VPS13B: variants seen among roughly 807,000 people sequenced by gnomAD.
VPS13B encodes intermembrane lipid transfer protein VPS13B.
In VPS13B, 285 loss-of-function variants were observed where a neutral mutation model predicts 426.4. The ratio of observed to expected loss-of-function variants is 0.67; its 90% CI spans 0.61 to 0.74. The LOEUF (loss-of-function observed/expected upper bound fraction) is 0.74, where lower values mean the gene tolerates loss of function less well. Ranked by LOEUF, VPS13B falls within the 30% of genes least tolerant of loss-of-function variation. VPS13B has a pLI of 0.00. For missense variants in VPS13B, 4,537 were observed against 4,782.6 expected, an observed-to-expected ratio of 0.95 and a Z score of 1.51; for synonymous variants, 1,676 against 1,676.4, an observed-to-expected ratio of 1.00 and a Z score of 0.01.
At chr8:99,535,468 A>C (rs1349681076) in intron 30 of VPS13B, among the ~76,000 whole-genome samples, 1 of 152,188 alleles carries the variant, frequency 6.6e-6, no homozygotes, top group Non-Finnish European at 1.5e-5. Context: ...TTCCTTGCTC[A>C]TCATTTCTAA....
chr8:99,869,054 G>A (rs920256840), intron 59 of VPS13B, among the ~76,000 whole-genome samples: 7 of 152,232 alleles, frequency 4.6e-5, no homozygotes, highest in South Asian at 4.1e-4. Context: ...CCGTGCAGCC[G>A]CATGCACACA....
intron 35 of VPS13B, among the ~76,000 whole-genome samples, chr8:99,666,425 C>A (rs1830489545): frequency 6.6e-6 from 1 of 152,124 alleles, no homozygotes; most frequent in African/African-American, 2.4e-5. Flanking sequence ...TACTGGCAAA[C>A]CGAATCCAGC....
intron 19 of VPS13B, among the ~76,000 whole-genome samples, chr8:99,333,417 A>T (rs569138942): frequency 6.6e-6 from 1 of 151,974 alleles, no homozygotes; most frequent in East Asian, 1.9e-4. Flanking sequence ...TTCCTTAATG[A>T]TAACATCTTA....
intron 23 of VPS13B, among the ~76,000 whole-genome samples, chr8:99,455,858 A>G (rs1454276735): frequency 1.3e-5 from 2 of 152,166 alleles, no homozygotes; most frequent in South Asian, 2.1e-4. Flanking sequence ...CATTTTATCA[A>G]TTCACCAGTT....
chr8:99,206,674 T>A (rs1173147415), intron 17 of VPS13B, among the ~76,000 whole-genome samples: 6 of 152,310 alleles, frequency 3.9e-5, no homozygotes, highest in African/African-American at 1.4e-4. Flanking sequence ...CATTTAAACA[T>A]CTGGTCTAAA....
intron 19 of VPS13B, among the ~76,000 whole-genome samples, chr8:99,351,794 TATG>T (rs1811910116): frequency 1.3e-5 from 2 of 152,214 alleles, no homozygotes; most frequent in East Asian, 1.9e-4. Context: ...AAAGCTGACA[TATG>T]ATAGTTGTTC....
At chr8:99,236,298 GGAGTGCA>G (rs1378726765) in intron 17 of VPS13B, among the ~76,000 whole-genome samples, 5 of 151,814 alleles carry the variant, frequency 3.3e-5, no homozygotes, top group African/African-American at 1.2e-4. Context: ...TGCCCGGGCT[GGAGTGCA>G]GTGGCGTGAT....
intron 15 of VPS13B, among the ~76,000 whole-genome samples, chr8:99,165,163 C>T (rs879517335): frequency 3.0e-4 from 45 of 152,050 alleles, no homozygotes; most frequent in Non-Finnish European, 1.2e-4. Context: ...TATATTATGT[C>T]ACATACTATC....
intron 35 of VPS13B, among the ~76,000 whole-genome samples, chr8:99,674,498 A>G (rs1016076849): frequency 6.6e-6 from 1 of 151,994 alleles, no homozygotes; most frequent in African/African-American, 2.4e-5. Context: ...TGTAAGCAGC[A>G]TATAGTTGGG....
At chr8:99,764,176 G>A (rs1290482750) in intron 39 of VPS13B, among the ~76,000 whole-genome samples, 1 of 151,994 alleles carries the variant, frequency 6.6e-6, no homozygotes, top group South Asian at 2.1e-4. Flanking sequence ...ATATAAATAA[G>A]TAATTACAAA....
Position 99,062,017 on chromosome 8 carries a change from G to T in VPS13B, c.291+23451G>T, listed in dbSNP as rs1426895213. Among the ~76,000 whole-genome samples the T allele has an allele frequency of 1.3e-5, 2 of 152,298 alleles. 1 individual carries two copies. Among genetic ancestry groups the T allele is most frequent in the Non-Finnish European group, 2.9e-5 (2 of 68,020 alleles). On this transcript the variant is annotated intron_variant, in intron 3 of 61. Transcript: ENST00000357162. The stretch of plus-strand genomic sequence containing the variant: ...GTGCCTATGATGTTTCACCTTAGTT[G>T]TTAAATACTTCCTTAAGTCGAAGCT...
At chr8:99,670,029 T>C (rs1305654342) in intron 35 of VPS13B, among the ~76,000 whole-genome samples, 1 of 152,078 alleles carries the variant, frequency 6.6e-6, no homozygotes, top group African/African-American at 2.4e-5. Flanking sequence ...TCAAATAGGT[T>C]TGTTTATATG....
At chr8:99,315,680 A>G (rs900715866) in intron 19 of VPS13B, among the ~76,000 whole-genome samples, 4 of 149,948 alleles carry the variant, frequency 2.7e-5, no homozygotes, top group African/African-American at 9.9e-5. Context: ...TCTGTTGCCC[A>G]GGCTGGAGTG....
chr8:99,342,308 T>C (rs1398188241), intron 19 of VPS13B, among the ~76,000 whole-genome samples: 1 of 152,198 alleles, frequency 6.6e-6, no homozygotes, highest in Non-Finnish European at 1.5e-5. Flanking sequence ...ATTAATTGAC[T>C]TCAGTCACTT....
intron 17 of VPS13B, chr8:99,233,046 G>A: frequency 8.4e-7 from 1 of 1,185,956 alleles, no homozygotes; most frequent in Non-Finnish European, 1.3e-6. Context: ...CCTGTGGGAG[G>A]CCTCACTTGC....
At chr8:99,483,779 T>C (rs1563754697) in intron 25 of VPS13B, among the ~76,000 whole-genome samples, 1 of 152,098 alleles carries the variant, frequency 6.6e-6, no homozygotes, top group Non-Finnish European at 1.5e-5. Context: ...GAAAGAAACA[T>C]TTAAAAGACA....
intron 29 of VPS13B, among the ~76,000 whole-genome samples, chr8:99,517,519 T>G (rs1003160589): frequency 1.8e-4 from 28 of 152,184 alleles, no homozygotes; most frequent in African/African-American, 6.8e-4. Flanking sequence ...ATAAAAAAAT[T>G]GAACATTCTA....
At chr8:99,270,129 A>ATTTTTTTTTTTTTT (rs1370378172) in intron 17 of VPS13B, among the ~76,000 whole-genome samples, 32 of 16,820 alleles carry the variant, frequency 1.9e-3, no homozygotes, top group Non-Finnish European at 3.5e-3. Context: ...AGATATAAGA[A>ATTTTTTTTTTTTTT]TCTTTTTTTT....
At chr8:99,328,544 A>G (rs1025451328) in intron 19 of VPS13B, among the ~76,000 whole-genome samples, 1 of 152,144 alleles carries the variant, frequency 6.6e-6, no homozygotes, top group Non-Finnish European at 1.5e-5. Flanking sequence ...TTGGTGATAT[A>G]GGTGTCTTGT....
Sources: allele counts gnomAD v4.1 joint callset (sites outside exome capture counted in the v4.1 genomes callset), GRCh38; gene constraint gnomAD v4.1.1; transcripts MANE v1.5; gene names NCBI Gene and HGNC (gene_info 2026-07-23, HGNC 2026-07-21).